COL28A1: variants seen among roughly 807,000 people sequenced by gnomAD.
COL28A1 encodes the protein collagen alpha-1(XXVIII) chain.
A neutral mutation model predicts 150.2 loss-of-function variants in COL28A1; 161 were observed. The ratio of observed to expected loss-of-function variants is 1.07; its 90% CI spans 0.94 to 1.22. COL28A1 has a LOEUF of 1.22. Among genes scored for constraint, COL28A1 ranks in the 50% most tolerant of loss-of-function variants. The probability of loss-of-function intolerance (pLI) is 0.00; values close to 1 mark genes in which losing one functional copy is unlikely to be tolerated. For missense variants in COL28A1, 1,617 were observed against 1,388.3 expected (o/e 1.16, Z -2.62); for synonymous variants, 552 against 469.7 (o/e 1.18, Z -2.26).
chr7:7,434,059 T>C (rs1785174753), intron 23 of COL28A1, among the ~76,000 whole-genome samples: 1 of 152,210 alleles, frequency 6.6e-6, no homozygotes, highest in Non-Finnish European at 1.5e-5. Context: ...AAATTTTTTA[T>C]ATACTCTTTA....
intron 15 of COL28A1, among the ~76,000 whole-genome samples, chr7:7,457,723 G>A (rs962448276): frequency 3.3e-5 from 5 of 152,210 alleles, no homozygotes; most frequent in Admixed American, 1.3e-4. Context: ...AGTGGAGACT[G>A]AGAAGGAAGC....
In COL28A1 at chr7:7,531,624, A is replaced by G. The variant is rs751889318; in HGVS notation, c.405T>C (p.Tyr135=). 6 of 1,606,800 alleles carry G rather than the reference A, an allele frequency of 3.7e-6. No individual in the cohort carries two copies. The highest frequency in any genetic ancestry group is 1.7e-5 in the Admixed American group (1 of 60,014). ...GTAGCCTAGTGGCATTGGAAATGGC[A>G]TAATAAGAGAAGGTACCTTGCCCTA... ...NLIGQGTFSY[Y]AISNATRLLK... Residue 135 remains tyrosine, a synonymous_variant, in exon 3 of 35, where the codon TAT becomes TAC. Transcript: ENST00000399429.
rs1039338409 is a variant in COL28A1 at position 7,387,539 on chromosome 7, G to A, written c.2137-5927C>T. 2.6e-5 allele frequency among the ~76,000 whole-genome samples: 4 copies of A among 152,048 alleles called. No individual in the cohort carries two copies. The South Asian group carries it at 8.3e-4, about 32-fold the overall frequency. ...ATACTGATGTATTAGGAGTAAATGG[G>A]TACCAAATCTGAATTTTACTCTCAA... On this transcript the variant is annotated intron_variant, in intron 27 of 34. Transcript: ENST00000399429.
chr7:7,338,203 T>C, the COL28A1 span, among the ~76,000 whole-genome samples: 14 of 152,262 alleles, frequency 9.2e-5, no homozygotes, highest in South Asian at 2.9e-3. Flanking sequence ...TTTTGTTTGT[T>C]TGTTTCATAT....
At position 7,487,695 on chromosome 7, in the gene COL28A1, G is replaced by A. The variant is rs549476933; in HGVS notation, c.1164+1694C>T. Among the ~76,000 whole-genome samples the A allele has an allele frequency of 1.3e-4, 20 of 152,188 alleles. No homozygotes were observed. In the South Asian group the frequency reaches 1.7e-3, roughly 13 times the overall value. ...TATAGAAGTTAAAATTTGAGACTTC[G>A]CTAAATTAAATACATCCACAAGTTC... On this transcript the variant is annotated intron_variant, in intron 13 of 34. Transcript: ENST00000399429.
chr7:7,411,051 T>G (rs1175802433), intron 27 of COL28A1, among the ~76,000 whole-genome samples: 1 of 152,130 alleles, frequency 6.6e-6, no homozygotes, highest in Non-Finnish European at 1.5e-5. Flanking sequence ...AGGTCACAGG[T>G]AGGAGCCAGG....
intron 11 of COL28A1, among the ~76,000 whole-genome samples, chr7:7,500,594 T>C (rs1269443588): frequency 1.3e-5 from 2 of 152,110 alleles, no homozygotes; most frequent in Non-Finnish European, 2.9e-5. Flanking sequence ...CCCAGAAATA[T>C]CCACACATGC....
In COL28A1 at chr7:7,372,988, C is replaced by G; in HGVS notation, c.2908+10G>C. ...AATGCCTTTCCCCTGGGCCAGATAG[C>G]CTTCCTTACCTTGCAGGGTAAAGAA... On this transcript the variant is annotated intron_variant, in intron 32 of 34. Transcript: ENST00000399429. 1 of 1,607,440 alleles carries G rather than the reference C, an allele frequency of 6.2e-7. No homozygotes were observed. Among genetic ancestry groups the G allele is most frequent in the Non-Finnish European group, 8.5e-7 (1 of 1,176,304 alleles).
At chr7:7,475,391 T>G (rs1788779348) in intron 14 of COL28A1, among the ~76,000 whole-genome samples, 1 of 152,196 alleles carries the variant, frequency 6.6e-6, no homozygotes, top group African/African-American at 2.4e-5. Context: ...TTGGTCTGAC[T>G]AGTTGGGGAA....
intron 4 of COL28A1, 78 bp downstream of exon 4, chr7:7,524,151 C>A: frequency 1.2e-6 from 1 of 842,654 alleles, no homozygotes; most frequent in Non-Finnish European, 2.0e-6. Flanking sequence ...ACTTAATCTT[C>A]TAATGTGAAT....
intron 27 of COL28A1, among the ~76,000 whole-genome samples, chr7:7,388,133 G>A (rs1015288923): frequency 2.0e-5 from 3 of 151,928 alleles, no homozygotes; most frequent in African/African-American, 7.3e-5. Flanking sequence ...ATCTACGTTA[G>A]ACATTTCTCC....
At chr7:7,538,849 A>G (rs1349358773), upstream of COL28A1, among the ~76,000 whole-genome samples, 2 of 151,950 alleles carry the variant, frequency 1.3e-5, no homozygotes, top group Non-Finnish European at 2.9e-5. Context: ...CTGCTGATCT[A>G]GAGTAGAAAA....
At chr7:7,404,840 C>CA (rs1365359112) in intron 27 of COL28A1, among the ~76,000 whole-genome samples, 1 of 152,144 alleles carries the variant, frequency 6.6e-6, no homozygotes, top group African/African-American at 2.4e-5. Context: ...ACCTAGAAGA[C>CA]AGACTGGCAT....
intron 15 of COL28A1, among the ~76,000 whole-genome samples, chr7:7,464,631 AC>A (rs1452502461): frequency 1.3e-5 from 2 of 152,366 alleles, no homozygotes; most frequent in East Asian, 3.9e-4. Context: ...TAGTGACACA[AC>A]CTATGAAAAC....
intron 27 of COL28A1, among the ~76,000 whole-genome samples, chr7:7,391,197 A>T (rs1407907289): frequency 1.3e-5 from 2 of 152,104 alleles, no homozygotes; most frequent in Admixed American, 1.3e-4. Flanking sequence ...CCTTGGTTTC[A>T]AAGAACTTAT....
At chr7:7,471,914 C>G (rs1788463965) in intron 15 of COL28A1, among the ~76,000 whole-genome samples, 1 of 152,056 alleles carries the variant, frequency 6.6e-6, no homozygotes, top group African/African-American at 2.4e-5. Flanking sequence ...AAACAAGAAA[C>G]AAAAATCACA....
In COL28A1 at chr7:7,436,391, A is replaced by G. The variant is rs1222015861; in HGVS notation, c.1860+4T>C. The G allele has an allele frequency of 3.1e-6, 4 of 1,280,320 alleles. No individual in the cohort carries two copies. In the South Asian group the frequency reaches 3.6e-5, roughly 11 times the overall value. The allele number at this position is 1,280,320 out of a possible 1,614,324, so 79.3% of individuals were successfully genotyped here. A position where few individuals can be genotyped will look rare whatever the true frequency, so the allele number is the denominator to read the frequency against. ...AAAACAAAAAGAACATGAATAAAGC[A>G]TACCTTTGGTCCTCGAATAGAAAGT... On this transcript the variant is annotated splice_donor_region_variant and intron_variant, in intron 23 of 34. Transcript: ENST00000399429.
At chr7:7,442,531 C>A (rs1785894097) in intron 20 of COL28A1, among the ~76,000 whole-genome samples, 1 of 152,086 alleles carries the variant, frequency 6.6e-6, no homozygotes, top group Admixed American at 6.5e-5. Flanking sequence ...AATCAATAAA[C>A]AAAAATGTTT....
chr7:7,430,946 TC>T (rs1027107236), intron 25 of COL28A1, among the ~76,000 whole-genome samples: 1 of 152,176 alleles, frequency 6.6e-6, no homozygotes, highest in African/African-American at 2.4e-5. Context: ...ACACAGCACT[TC>T]CAGATACATC....
Sources: allele counts gnomAD v4.1 joint callset (sites outside exome capture counted in the v4.1 genomes callset), GRCh38; gene constraint gnomAD v4.1.1; transcripts MANE v1.5; gene names NCBI Gene and HGNC (gene_info 2026-07-23, HGNC 2026-07-21).